PWWP2A: variants seen among roughly 807,000 people sequenced by gnomAD.
PWWP2A encodes the protein PWWP domain-containing protein 2A.
Under a neutral mutation model 48.5 loss-of-function variants are expected in PWWP2A, and 18 were observed. That is an observed-to-expected ratio of 0.37 (90% CI 0.26 to 0.55). The LOEUF (loss-of-function observed/expected upper bound fraction) is 0.55, where lower values mean the gene tolerates loss of function less well. PWWP2A is among the 20% of genes least tolerant of loss of function. The probability of loss-of-function intolerance (pLI) is 0.81; values close to 1 mark genes in which losing one functional copy is unlikely to be tolerated. For missense variants in PWWP2A, 867 were observed against 976.4 expected (o/e 0.89, Z 1.49); for synonymous variants, 396 against 387.7 (o/e 1.02, Z -0.25).
chr5:160,109,769 AAAAAAATAT>A (rs1318870491), intron 1 of PWWP2A, among the ~76,000 whole-genome samples: 872 of 65,604 alleles, frequency 0.013, 15 homozygotes, highest in East Asian at 0.11. Context: ...AAAAAAAAAA[AAAAAAATAT>A]ATATATATAT....
intron 1 of PWWP2A, among the ~76,000 whole-genome samples, chr5:160,102,397 CAAAAAAAA>C (rs70988002): frequency 7.8e-5 from 5 of 64,228 alleles, no homozygotes; most frequent in Admixed American, 1.9e-4. Flanking sequence ...GACTCCATCT[CAAAAAAAA>C]AAAAAAAAAA....
At chr5:160,082,433 G>A (rs2113476767) in intron 2 of PWWP2A, among the ~76,000 whole-genome samples, 1 of 130,652 alleles carries the variant, frequency 7.7e-6, no homozygotes, top group Middle Eastern at 3.6e-3. Flanking sequence ...GACAGAGCGA[G>A]ACTCCGTCTC....
At chr5:160,096,888 A>G (rs777569479) in intron 1 of PWWP2A, among the ~76,000 whole-genome samples, 4 of 152,214 alleles carry the variant, frequency 2.6e-5, no homozygotes, top group Non-Finnish European at 5.9e-5. Context: ...TGTATCCTCT[A>G]AACTCATTTT....
At position 160,093,077 on chromosome 5, in the gene PWWP2A, T is replaced by A; in HGVS notation, c.1573A>T (p.Ser525Cys). Residue 525 changes from serine (S) to cysteine (C), a missense_variant, in exon 2 of 2, where the codon AGT (serine) becomes TGT (cysteine). By Grantham distance (112) the Ser-to-Cys change is moderately radical. Coordinates refer to ENST00000307063, the MANE Select transcript of PWWP2A (RefSeq NM_001130864.2). This position sits in a 1 kb window ranked among gnomAD's most constrained non-coding sequence, Gnocchi z 5.8. ...GCCTCTTCAGGGCCTTTTGAGGGAC[T>A]CTGATTTTCTGAAGGGGCCTCACCT... is the stretch of plus-strand genomic sequence containing the variant. Reference protein sequence around the residue: ...SAGEAPSENQSPSKGPEEASS... With the variant: ...SAGEAPSENQCPSKGPEEASS... 1 of 1,613,588 alleles carries A rather than the reference T, an allele frequency of 6.2e-7. No individual in the cohort carries two copies. Among genetic ancestry groups the A allele is most frequent in the Non-Finnish European group, 8.5e-7 (1 of 1,179,776 alleles).
At chr5:160,098,405 T>C (rs1755910800) in intron 1 of PWWP2A, among the ~76,000 whole-genome samples, 1 of 152,098 alleles carries the variant, frequency 6.6e-6, no homozygotes, top group African/African-American at 2.4e-5. Context: ...AAAAGATAAA[T>C]CACTTTAAGA....
chr5:160,045,454 CCACACA>C, the PWWP2A span, among the ~76,000 whole-genome samples: 1,827 of 38,674 alleles, frequency 0.047, 58 homozygotes, highest in Non-Finnish European at 0.057. Context: ...CCCCCACCCT[CCACACA>C]CACACACACA....
chr5:160,098,756 A>C (rs1241599573), intron 1 of PWWP2A, among the ~76,000 whole-genome samples: 1 of 152,116 alleles, frequency 6.6e-6, no homozygotes, highest in Non-Finnish European at 1.5e-5. Context: ...GTCCCTTAAA[A>C]ACCCTAATTT....
At chr5:160,045,520 A>ACACACTCTCTCTCTCT in the PWWP2A span, among the ~76,000 whole-genome samples, 1 of 54,884 alleles carries the variant, frequency 1.8e-5, no homozygotes, top group East Asian at 6.2e-4. Flanking sequence ...ACACATACAC[A>ACACACTCTCTCTCTCT]CTCTCTCTCT....
chr5:160,108,327 G>T (rs1179281829), intron 1 of PWWP2A, among the ~76,000 whole-genome samples: 2 of 152,130 alleles, frequency 1.3e-5, no homozygotes, highest in African/African-American at 4.8e-5. Flanking sequence ...CACAGTAGTG[G>T]GCGTCCTAAA....
At chr5:160,091,227 C>G (rs966609212), downstream of PWWP2A, 6 of 970,586 alleles carry the variant, frequency 6.2e-6, no homozygotes, top group Non-Finnish European at 7.3e-6. Flanking sequence ...CCTGATAGGG[C>G]AAATAGCAAA....
chr5:160,108,453 T>C, intron 1 of PWWP2A: 1 of 523,728 alleles, frequency 1.9e-6, no homozygotes. Context: ...TTACTTATAA[T>C]GTACCACAAC....
Position 160,119,316 on chromosome 5 carries a change from G to C in PWWP2A, c.73C>G (p.Pro25Ala). ...CTGCCGGGGATGGGCTCCATCTCCG[G>C]CTCGGCCTCGCCGGCGCCCCCCTCC... Reference protein sequence around the residue: ...PGEGGAGEAEPEMEPIPGSEA... With the variant: ...PGEGGAGEAEAEMEPIPGSEA... Residue 25 changes from proline (P) to alanine (A), a missense_variant, in exon 1 of 2, where the codon CCG (proline) becomes GCG (alanine). By Grantham distance (27) the Pro-to-Ala change is conservative. Coordinates refer to ENST00000307063, the MANE Select transcript of PWWP2A (RefSeq NM_001130864.2). 7.2e-7 allele frequency: 1 copy of C among 1,387,840 alleles called. No individual in the cohort carries two copies. The allele number at this position is 1,387,840 out of a possible 1,614,324, so 86.0% of individuals were successfully genotyped here. A position where few individuals can be genotyped will look rare whatever the true frequency, so the allele number is the denominator to read the frequency against.
chr5:160,078,772 G>T lies in PWWP2A; in HGVS notation c.1670-604C>A, dbSNP rs1162258146. ...CATGAAGAGCACCATTTTGATACTAGAAGACAACACATGTACACTGGTTAG... is the reference window on the plus strand; with the variant it reads ...CATGAAGAGCACCATTTTGATACTATAAGACAACACATGTACACTGGTTAG... On this transcript the variant is annotated intron_variant, in intron 3 of 3. Transcript: ENST00000456329. This position sits in a 1 kb window ranked among gnomAD's most constrained non-coding sequence, Gnocchi z 4.2. Among the ~76,000 whole-genome samples the T allele has an allele frequency of 6.6e-6, 1 of 152,180 alleles. No individual in the cohort carries two copies. Among genetic ancestry groups the T allele is most frequent in the Non-Finnish European group, 1.5e-5 (1 of 68,032 alleles).
intron 1 of PWWP2A, among the ~76,000 whole-genome samples, chr5:160,104,748 T>A (rs1756692747): frequency 6.6e-6 from 1 of 152,006 alleles, no homozygotes; most frequent in Non-Finnish European, 1.5e-5. Context: ...GAGTTTGCAG[T>A]GAGCCAAGAT....
At chr5:160,064,348 T>G (rs1313073198) in intron 4 of PWWP2A, among the ~76,000 whole-genome samples, 2 of 152,322 alleles carry the variant, frequency 1.3e-5, no homozygotes, top group Non-Finnish European at 2.9e-5. Flanking sequence ...TTATTGAGGT[T>G]GCTGTGCAAA....
Position 160,112,475 on chromosome 5 carries a change from G to A in PWWP2A, c.584+6330C>T, listed in dbSNP as rs149910001. Among the ~76,000 whole-genome samples, 1,086 of 152,218 alleles carry A rather than the reference G, an allele frequency of 7.1e-3. 6 individuals carry two copies. Among genetic ancestry groups the A allele is most frequent in the Middle Eastern group, 0.02 (6 of 294 alleles). ...GACCTTACGTGACCCACCCACCTCA[G>A]CCTCCCAACTTGCTGAGATTACAGG... On this transcript the variant is annotated intron_variant, in intron 1 of 1. Transcript: ENST00000307063.
At chr5:160,074,175 A>C (rs756058228), downstream of PWWP2A, among the ~76,000 whole-genome samples, 1 of 152,146 alleles carries the variant, frequency 6.6e-6, no homozygotes, top group Non-Finnish European at 1.5e-5. Flanking sequence ...GCAGTGGCTC[A>C]CACCTGTAAT....
At chr5:160,112,948 G>A (rs1757740304) in intron 1 of PWWP2A, among the ~76,000 whole-genome samples, 1 of 152,192 alleles carries the variant, frequency 6.6e-6, no homozygotes, top group South Asian at 2.1e-4. Context: ...CCTGAGGTCA[G>A]GAGTTCGAGA....
At chr5:160,080,575 C>A in intron 3 of PWWP2A, 1 of 1,304,426 alleles carries the variant, frequency 7.7e-7, no homozygotes, top group South Asian at 2.2e-5. Context: ...TAAGTCTAGC[C>A]TAATCTACTT....
Sources: gnomAD v4.1 joint callset for allele counts (sites outside exome capture counted in the v4.1 genomes callset) on GRCh38, gnomAD v4.1.1 for gene constraint, Gnocchi (gnomAD v3.1) non-coding constraint, MANE v1.5 for transcripts, NCBI Gene and HGNC (gene_info 2026-07-23, HGNC 2026-07-21) for gene names.